The following RNASET2 variants were observed in gnomAD, a reference collection of about 807,000 sequenced individuals.
The protein encoded by RNASET2 is ribonuclease 6.
RNASET2 carries 28 observed loss-of-function variants against 33.9 expected under a neutral mutation model. The observed-to-expected ratio is 0.83, with a 90% CI of 0.61 to 1.13. RNASET2 has a LOEUF of 1.13. RNASET2 is among the 50% of genes most tolerant of loss of function. RNASET2 has a pLI of 0.00. For missense variants in RNASET2, 330 were observed against 319.9 expected, an observed-to-expected ratio of 1.03 and a Z score of -0.24; for synonymous variants, 123 against 121.0, an observed-to-expected ratio of 1.02 and a Z score of -0.11.
intron 1 of RNASET2, among the ~76,000 whole-genome samples, chr6:166,955,220 C>T (rs1779088808): frequency 1.5e-5 from 1 of 65,542 alleles, no homozygotes; most frequent in Admixed American, 1.6e-4. Context: ...CACGCACACA[C>T]GCGCACACAC....
chr6:166,948,312 C>G (rs926088106), intron 3 of RNASET2: 1 of 524,290 alleles, frequency 1.9e-6, no homozygotes, highest in Non-Finnish European at 3.5e-6. Flanking sequence ...TGCCACTGCA[C>G]TTCAGCCTAG....
Position 166,933,333 on chromosome 6 carries a change from G to A in RNASET2, c.492+758C>T, listed in dbSNP as rs903002715. The stretch of plus-strand genomic sequence containing the variant: ...GAGTACAATTTTGTTTACAAAAACA[G>A]GCAACCAAGAGTTGAAAACAACTAC... On this transcript the variant is annotated intron_variant, in intron 7 of 8. Coordinates refer to ENST00000508775, the MANE Select transcript of RNASET2 (RefSeq NM_003730.6). The surrounding 1 kb of genome is among the most constrained non-coding windows in gnomAD (Gnocchi z 4.1). 1 of 152,002 alleles carries A rather than the reference G, an allele frequency of 6.6e-6. No homozygotes were observed. Among genetic ancestry groups the A allele is most frequent in the Admixed American group, 6.6e-5 (1 of 15,256 alleles). 9.4% of individuals were successfully genotyped at this position (152,002 alleles called of 1,614,324 possible).
At chr6:166,955,273 GCACACACGA>G (rs1402556537) in intron 1 of RNASET2, among the ~76,000 whole-genome samples, 5 of 84,728 alleles carry the variant, frequency 5.9e-5, no homozygotes, top group East Asian at 4.4e-4. Flanking sequence ...ACACACACGC[GCACACACGA>G]CACACACGCA....
chr6:166,956,189 G>A lies in RNASET2; in HGVS notation c.-7C>T, dbSNP rs980658913. On this transcript the variant is annotated 5_prime_UTR_variant, in exon 1 of 9. Transcript: ENST00000508775. ...GCAGGGCTGCAGGGCGCATGGTGCCGACCTGCGGAGAGAACGCTGCCAGCT... is the reference window on the plus strand; with the variant it reads ...GCAGGGCTGCAGGGCGCATGGTGCCAACCTGCGGAGAGAACGCTGCCAGCT... 18 of 1,547,046 alleles carry A rather than the reference G, an allele frequency of 1.2e-5. No homozygotes were observed. In the Admixed American group the frequency reaches 2.2e-4, roughly 19 times the overall value.
chr6:166,923,795 A>C lies in RNASET2; in HGVS notation c.*5793T>G, dbSNP rs1778267594. 6.6e-6 allele frequency among the ~76,000 whole-genome samples: 1 copy of C among 152,210 alleles called. No individual in the cohort carries two copies. Among genetic ancestry groups the C allele is most frequent in the Admixed American group, 6.5e-5 (1 of 15,282 alleles). On this transcript the variant is annotated 3_prime_UTR_variant, in exon 9 of 9. Transcript: ENST00000508775. The stretch of plus-strand genomic sequence containing the variant: ...CTATAGACGCCCAAATACTGACTTC[A>C]TATCTGTGATTGTATCCTGGTAATT...
intron 1 of RNASET2, among the ~76,000 whole-genome samples, chr6:166,955,327 GCA>G (rs577660285): frequency 3.5e-5 from 2 of 57,574 alleles, no homozygotes; most frequent in African/African-American, 9.5e-5. Context: ...GCACACACAC[GCA>G]CGCACGCACA....
At chr6:166,943,285 A>G (rs1260342942) in intron 4 of RNASET2, 196 bp from the exon 5 acceptor site, 5 of 500,620 alleles carry the variant, frequency 1.0e-5, no homozygotes, top group African/African-American at 7.8e-5. Context: ...TTGAGTAATC[A>G]TAAAACTGCA....
chr6:166,927,812 G>A lies in RNASET2; in HGVS notation c.*1776C>T, dbSNP rs1321441611. On this transcript the variant is annotated 3_prime_UTR_variant, in exon 9 of 9. Transcript: ENST00000508775. Reference sequence around the variant, plus strand: ...TACACCCACTCCCTGAGGACGCAGAGCAAATGCAGGAAATCACGCCCTTCC... The same window carrying A: ...TACACCCACTCCCTGAGGACGCAGAACAAATGCAGGAAATCACGCCCTTCC... Among the ~76,000 whole-genome samples, 1 of 151,368 alleles carries A rather than the reference G, an allele frequency of 6.6e-6. No individual in the cohort carries two copies. The highest frequency in any genetic ancestry group is 2.4e-5 in the African/African-American group (1 of 41,114).
At chr6:166,934,267 C>A (rs1583217027) in intron 6 of RNASET2, 131 bp from the exon 7 acceptor site, 4 of 704,590 alleles carry the variant, frequency 5.7e-6, no homozygotes, top group Non-Finnish European at 1.0e-5. Flanking sequence ...TGACTTTATG[C>A]AACAAATGTG....
chr6:166,955,247 A>G (rs1306967582), intron 1 of RNASET2, among the ~76,000 whole-genome samples: 3,732 of 87,122 alleles, frequency 0.043, 131 homozygotes, highest in African/African-American at 0.078. Context: ...ACGCACACAC[A>G]CGCACACACG....
chr6:166,949,525 A>AT (rs1354562196), intron 2 of RNASET2, among the ~76,000 whole-genome samples: 2 of 147,526 alleles, frequency 1.4e-5, no homozygotes, highest in African/African-American at 5.0e-5. Context: ...AAAAAAAAAA[A>AT]GAAAGAAATG....
At chr6:166,945,988 C>A (rs570926471) in intron 4 of RNASET2, among the ~76,000 whole-genome samples, 1 of 152,208 alleles carries the variant, frequency 6.6e-6, no homozygotes, top group Non-Finnish European at 1.5e-5. Context: ...TTACCACCCC[C>A]TCCCTGGGGT....
At chr6:166,950,194 G>A (rs1778949256) in intron 2 of RNASET2, among the ~76,000 whole-genome samples, 1 of 151,892 alleles carries the variant, frequency 6.6e-6, no homozygotes, top group Admixed American at 6.6e-5. Flanking sequence ...CAGTGCTTAA[G>A]TTCCAGCTCC....
chr6:166,938,247 C>G (rs1477122638), intron 6 of RNASET2, among the ~76,000 whole-genome samples: 1 of 152,096 alleles, frequency 6.6e-6, no homozygotes, highest in Non-Finnish European at 1.5e-5. Flanking sequence ...CGCTGACACC[C>G]TGAAACGTCC....
At chr6:166,936,350 C>A (rs200060903) in intron 6 of RNASET2, among the ~76,000 whole-genome samples, 3 of 149,392 alleles carry the variant, frequency 2.0e-5, no homozygotes, top group African/African-American at 7.4e-5. Context: ...TTGCATGTGT[C>A]GTGTGTGTGT....
chr6:166,943,681 T>C (rs1341705315), intron 4 of RNASET2: 1 of 457,054 alleles, frequency 2.2e-6, no homozygotes, highest in South Asian at 1.6e-5. Context: ...ATGCTAAACT[T>C]TATTTAATAA....
chr6:166,925,742 C>T lies in RNASET2; in HGVS notation c.*3846G>A, dbSNP rs144993657. ...CCCAGGACTGCAAAAGAACTCTTAA[C>T]GGCCAACCATGGAACTGGGTGTTGA... On this transcript the variant is annotated 3_prime_UTR_variant, in exon 9 of 9. Transcript: ENST00000508775. 3.6e-3 allele frequency among the ~76,000 whole-genome samples: 549 copies of T among 152,346 alleles called. 3 individuals carry two copies. Among genetic ancestry groups the T allele is most frequent in the African/African-American group, 0.012 (487 of 41,574 alleles).
chr6:166,952,946 A>G, intron 1 of RNASET2: 1 of 215,630 alleles, frequency 4.6e-6, no homozygotes, highest in Non-Finnish European at 9.6e-6. Context: ...TGAAACCCAT[A>G]AAAGCCTGAA....
chr6:166,955,209 GCACGCACACACGCGCA>G (rs1779086249), intron 1 of RNASET2, among the ~76,000 whole-genome samples: 2 of 77,868 alleles, frequency 2.6e-5, no homozygotes, highest in Admixed American at 1.3e-4. Context: ...ACGCACACAC[GCACGCACACACGCGCA>G]CACACGCACG....
Sources: allele counts gnomAD v4.1 joint callset (sites outside exome capture counted in the v4.1 genomes callset), GRCh38; gene constraint gnomAD v4.1.1; non-coding constraint Gnocchi (gnomAD v3.1); transcripts MANE v1.5; gene names NCBI Gene and HGNC (gene_info 2026-07-23, HGNC 2026-07-21).